The following ERC1 variants were observed in gnomAD, a reference collection of about 807,000 sequenced individuals.
ERC1 encodes the protein ELKS/RAB6-interacting/CAST family member 1.
Under a neutral mutation model 132.0 loss-of-function variants are expected in ERC1, and 56 were observed. The observed-to-expected ratio is 0.42, with a 90% CI of 0.34 to 0.53. The LOEUF (loss-of-function observed/expected upper bound fraction) is 0.53. Among genes scored for constraint, ERC1 ranks in the 20% least tolerant of loss-of-function variants. The pLI is 0.03. For synonymous variants in ERC1, 478 were observed against 476.1 expected (o/e 1.00, Z -0.05); for missense variants, 1,202 against 1,349.9 (o/e 0.89, Z 1.72).
intron 1 of ERC1, among the ~76,000 whole-genome samples, chr12:999,072 C>T: frequency 6.6e-6 from 1 of 152,006 alleles, no homozygotes; most frequent in Admixed American, 6.6e-5. Flanking sequence ...GTTGGCCAGG[C>T]TGGTCTCGAA....
At chr12:1,484,232 G>C (rs1487727259) in intron 18 of ERC1, among the ~76,000 whole-genome samples, 1 of 151,746 alleles carries the variant, frequency 6.6e-6, no homozygotes, top group Non-Finnish European at 1.5e-5. Flanking sequence ...GTGAACCTGG[G>C]ATGTGGAGCT....
At chr12:1,404,626 A>G (rs916186909) in intron 16 of ERC1, among the ~76,000 whole-genome samples, 4 of 152,260 alleles carry the variant, frequency 2.6e-5, no homozygotes, top group East Asian at 1.9e-4. Context: ...CTTTGGCCAT[A>G]GAACCTTGTT....
Position 1,474,593 on chromosome 12 carries a change from G to A in ERC1, c.3214-15500G>A, listed in dbSNP as rs547038564. On this transcript the variant is annotated intron_variant, in intron 18 of 18. Transcript: ENST00000360905. ...CTGTTCTAAAATCATGACTTGTGCT[G>A]AGCGGTAAATGTTTGGGGCAGTCTC... Among the ~76,000 whole-genome samples the A allele has an allele frequency of 7.2e-5, 11 of 152,280 alleles. No individual in the cohort carries two copies. In the East Asian group the frequency reaches 2.1e-3, roughly 29 times the overall value.
At chr12:1,301,535 G>A (rs979436885) in intron 15 of ERC1, among the ~76,000 whole-genome samples, 1 of 152,102 alleles carries the variant, frequency 6.6e-6, no homozygotes, top group Non-Finnish European at 1.5e-5. Flanking sequence ...TGGAGCTAGA[G>A]GTCATTATCC....
intron 12 of ERC1, among the ~76,000 whole-genome samples, chr12:1,227,563 C>A (rs1305880325): frequency 2.6e-5 from 4 of 152,152 alleles, no homozygotes. Flanking sequence ...AACTCCTTAT[C>A]AGATAGGTTT....
At chr12:1,011,506 A>G (rs532470738) in intron 1 of ERC1, among the ~76,000 whole-genome samples, 20 of 152,208 alleles carry the variant, frequency 1.3e-4, no homozygotes, top group South Asian at 2.1e-4. Flanking sequence ...TTGTTTGGCC[A>G]ACATTTTCCT....
intron 12 of ERC1, among the ~76,000 whole-genome samples, chr12:1,218,819 C>CATATATAT (rs369422257): frequency 1.2e-3 from 171 of 148,558 alleles, no homozygotes; most frequent in Middle Eastern, 7.0e-3. Context: ...GTCCTATTCT[C>CATATATAT]ATATATATAT....
At chr12:1,266,391 CTTTTTTTTTT>C (rs71293128) in intron 14 of ERC1, among the ~76,000 whole-genome samples, 19 of 42,990 alleles carry the variant, frequency 4.4e-4, no homozygotes, top group African/African-American at 1.3e-3. Context: ...CGTTTCCTGT[CTTTTTTTTTT>C]TTTTTTTTTT....
chr12:1,070,046 C>A (rs186282607), intron 2 of ERC1, among the ~76,000 whole-genome samples: 8,101 of 151,934 alleles, frequency 0.053, 364 homozygotes, highest in Admixed American at 0.15. Flanking sequence ...GTTAAATAAG[C>A]AACAGTGAGA....
intron 2 of ERC1, among the ~76,000 whole-genome samples, chr12:1,058,094 C>T (rs34239705): frequency 0.02 from 3,024 of 152,034 alleles, 76 homozygotes; most frequent in Non-Finnish European, 0.022. Context: ...AGTCCCTTCT[C>T]GGATGCATAG....
At chr12:1,143,329 C>CGCGT (rs1950024498) in intron 8 of ERC1, among the ~76,000 whole-genome samples, 1 of 128,890 alleles carries the variant, frequency 7.8e-6, no homozygotes, top group Non-Finnish European at 1.7e-5. Context: ...GCTTTTGACT[C>CGCGT]GTGTGTGTGT....
chr12:1,196,939 CACACACACACACACACACACACAT>C (rs1357293698), intron 12 of ERC1, among the ~76,000 whole-genome samples: 7 of 42,086 alleles, frequency 1.7e-4, no homozygotes, highest in East Asian at 3.6e-4. Context: ...CACACACACA[CACACACACACACACACACACACAT>C]ATATATATAT....
At position 1,312,856 on chromosome 12, in the gene ERC1, C is replaced by G. The variant is rs548990025; in HGVS notation, c.2780+22844C>G. Among the ~76,000 whole-genome samples the G allele has an allele frequency of 2.0e-5, 3 of 152,258 alleles. No homozygotes were observed. In the South Asian group the frequency reaches 6.2e-4, roughly 32 times the overall value. ...ACTTTTAAAGTCCCCTTCTGTCTCT[C>G]CTGCAGCCACTTTCACTGTAACATT... On this transcript the variant is annotated intron_variant, in intron 15 of 18. Coordinates refer to ENST00000360905, the MANE Select transcript of ERC1 (RefSeq NM_178040.4).
chr12:1,463,210 G>T lies in ERC1; in HGVS notation c.3213+18460G>T, dbSNP rs147274404. On this transcript the variant is annotated intron_variant, in intron 18 of 18. Transcript: ENST00000360905. The stretch of plus-strand genomic sequence containing the variant: ...TTTTTCCAAGGTGGTGGATTAGGGG[G>T]TGTTAATGCTGGGGCAGTGTTAGGC... 1.5e-4 allele frequency among the ~76,000 whole-genome samples: 23 copies of T among 152,264 alleles called. No individual in the cohort carries two copies. The East Asian group carries it at 1.9e-3, about 13-fold the overall frequency.
intron 8 of ERC1, among the ~76,000 whole-genome samples, chr12:1,147,910 G>A (rs1022698474): frequency 2.6e-5 from 4 of 152,100 alleles, no homozygotes; most frequent in African/African-American, 7.2e-5. Flanking sequence ...AGTGTTAGGG[G>A]CATATATTTT....
At chr12:1,460,256 A>C (rs1247005156) in intron 18 of ERC1, among the ~76,000 whole-genome samples, 1 of 152,242 alleles carries the variant, frequency 6.6e-6, no homozygotes, top group Non-Finnish European at 1.5e-5. Flanking sequence ...TAAAAACTTA[A>C]ATCAGTAAAC....
At chr12:1,365,320 T>C (rs536860551) in intron 15 of ERC1, among the ~76,000 whole-genome samples, 1 of 149,854 alleles carries the variant, frequency 6.7e-6, no homozygotes, top group Non-Finnish European at 1.5e-5. Context: ...TAGACGCTAC[T>C]GGCCTGGAAA....
intron 2 of ERC1, among the ~76,000 whole-genome samples, chr12:1,031,251 A>G (rs1402157265): frequency 6.6e-6 from 1 of 152,220 alleles, no homozygotes; most frequent in East Asian, 1.9e-4. Flanking sequence ...TCTACTGACA[A>G]CTTTGCTATT....
At chr12:1,005,292 A>T (rs923120437) in intron 1 of ERC1, among the ~76,000 whole-genome samples, 4 of 152,214 alleles carry the variant, frequency 2.6e-5, no homozygotes, top group Admixed American at 2.6e-4. Flanking sequence ...CTGGGACTGC[A>T]GGAGTGCACC....
Sources: gnomAD v4.1 joint callset for allele counts (sites outside exome capture counted in the v4.1 genomes callset) on GRCh38, gnomAD v4.1.1 for gene constraint, MANE v1.5 for transcripts, NCBI Gene and HGNC (gene_info 2026-07-23, HGNC 2026-07-21) for gene names.